PCGF3: variants seen among roughly 807,000 people sequenced by gnomAD.
PCGF3 encodes polycomb group RING finger protein 3.
In PCGF3, 7 loss-of-function variants were observed where a neutral mutation model predicts 33.1. The ratio of observed to expected loss-of-function variants is 0.21; its 90% CI spans 0.12 to 0.40. The LOEUF (loss-of-function observed/expected upper bound fraction) is 0.40. PCGF3 is among the 10% of genes least tolerant of loss of function. PCGF3 has a pLI of 1.00. For synonymous variants in PCGF3, 153 were observed against 121.3 expected, an observed-to-expected ratio of 1.26 and a Z score of -1.72; for missense variants, 211 against 313.3, an observed-to-expected ratio of 0.67 and a Z score of 2.46.
intron 1 of PCGF3, among the ~76,000 whole-genome samples, chr4:722,043 C>T (rs1006923181): frequency 6.6e-6 from 1 of 152,086 alleles, no homozygotes; most frequent in Non-Finnish European, 1.5e-5. Flanking sequence ...GAAACCGCAT[C>T]GGAGCACATC....
At chr4:734,461 A>T in intron 4 of PCGF3, 1 of 1,251,670 alleles carries the variant, frequency 8.0e-7, no homozygotes, top group African/African-American at 1.5e-5. Context: ...GAAATAAAAT[A>T]TTTGCCAATT....
exon 11 of PCGF3, chr4:766,074 C>G (rs1223395765): frequency 1.2e-6 from 2 of 1,613,884 alleles, no homozygotes; most frequent in Non-Finnish European, 1.7e-6. Flanking sequence ...GATGGACTTG[C>G]TGTGAATGGT....
intron 1 of PCGF3, among the ~76,000 whole-genome samples, chr4:729,099 CAAAAAAA>C (rs34927260): frequency 7.0e-4 from 28 of 40,250 alleles, no homozygotes; most frequent in South Asian, 1.4e-3. Flanking sequence ...GACTCCATCT[CAAAAAAA>C]AAAAAAAAAA....
chr4:762,995 G>A (rs936870280), intron 9 of PCGF3, among the ~76,000 whole-genome samples: 4 of 152,084 alleles, frequency 2.6e-5, no homozygotes, highest in Non-Finnish European at 5.9e-5. Context: ...TGGTGGCACA[G>A]AGCAGAGGCT....
At chr4:729,410 G>A (rs1316497394) in intron 1 of PCGF3, among the ~76,000 whole-genome samples, 1 of 139,870 alleles carries the variant, frequency 7.1e-6, no homozygotes, top group East Asian at 2.1e-4. Context: ...GCAAGATCCT[G>A]TCTCAAAAAA....
At chr4:726,712 A>G (rs1743347911) in intron 1 of PCGF3, among the ~76,000 whole-genome samples, 2 of 151,756 alleles carry the variant, frequency 1.3e-5, no homozygotes, top group Non-Finnish European at 2.9e-5. Context: ...GGTGCAATAC[A>G]AGCTGACAGT....
Position 720,751 on chromosome 4 carries a change from G to A in PCGF3, c.-189-9879G>A, listed in dbSNP as rs972256890. Among the ~76,000 whole-genome samples, 3 of 151,928 alleles carry A rather than the reference G, an allele frequency of 2.0e-5. No homozygotes were observed. Among genetic ancestry groups the A allele is most frequent in the African/African-American group, 4.8e-5 (2 of 41,356 alleles). ...ACGTGCGTGTGGACCCGGCGTGGAC[G>A]CAGCCCCGACGTGAATGGATGTGGT... On this transcript the variant is annotated intron_variant, in intron 1 of 10. Coordinates refer to ENST00000362003, the Ensembl canonical transcript of PCGF3. The surrounding 1 kb of genome is among the most constrained non-coding windows in gnomAD (Gnocchi z 5.6).
intron 1 of PCGF3, among the ~76,000 whole-genome samples, chr4:722,077 G>T (rs769217773): frequency 3.9e-5 from 6 of 152,170 alleles, no homozygotes; most frequent in Non-Finnish European, 7.4e-5. Flanking sequence ...CACACGGGGC[G>T]TGGGACGGTG....
At chr4:727,231 G>A (rs889769646) in intron 1 of PCGF3, among the ~76,000 whole-genome samples, 2 of 93,894 alleles carry the variant, frequency 2.1e-5, no homozygotes, top group African/African-American at 3.3e-5. Context: ...GTTAGCGAGC[G>A]TCTTTTTTTT....
chr4:747,659 G>C (rs1396553795), intron 8 of PCGF3, among the ~76,000 whole-genome samples: 5 of 75,938 alleles, frequency 6.6e-5, no homozygotes, highest in Non-Finnish European at 5.6e-5. Flanking sequence ...GGTGGGCGGG[G>C]CCCCGGGGTC....
At chr4:734,540 T>C in intron 4 of PCGF3, 2 of 1,176,290 alleles carry the variant, frequency 1.7e-6, no homozygotes, top group African/African-American at 3.1e-5. Context: ...TGTTAGGTTA[T>C]TTTCATTTGA....
At position 721,548 on chromosome 4, in the gene PCGF3, G is replaced by A. The variant is rs1356059984; in HGVS notation, c.-189-9082G>A. On this transcript the variant is annotated intron_variant, in intron 1 of 10. Transcript: ENST00000362003. This position sits in a 1 kb window ranked among gnomAD's most constrained non-coding sequence, Gnocchi z 4.1. ...TGCCTTAGGAGGCTGCGGGCGAGGC[G>A]AGGGCAGAGTGCACTCGCTGGGGGT... is the stretch of plus-strand genomic sequence containing the variant. 6.6e-6 allele frequency among the ~76,000 whole-genome samples: 1 copy of A among 152,050 alleles called. No homozygotes were observed. Among genetic ancestry groups the A allele is most frequent in the Non-Finnish European group, 1.5e-5 (1 of 68,004 alleles).
intron 5 of PCGF3, among the ~76,000 whole-genome samples, chr4:736,750 G>A (rs1253894618): frequency 2.6e-5 from 4 of 151,506 alleles, no homozygotes; most frequent in Non-Finnish European, 5.9e-5. Flanking sequence ...CGGGGAACCC[G>A]GGGTGTCCGC....
At chr4:718,161 C>T (rs1223211920) in intron 1 of PCGF3, among the ~76,000 whole-genome samples, 9 of 152,118 alleles carry the variant, frequency 5.9e-5, no homozygotes, top group African/African-American at 9.7e-5. Flanking sequence ...ACGTGCCGGC[C>T]GCCCACTGAC....
At chr4:748,160 A>C (rs1169593735) in intron 8 of PCGF3, among the ~76,000 whole-genome samples, 1 of 152,142 alleles carries the variant, frequency 6.6e-6, no homozygotes, top group Non-Finnish European at 1.5e-5. Context: ...ACAGAGATGC[A>C]GTAAAAGAAT....
chr4:708,524 G>A (rs893357087), intron 1 of PCGF3, among the ~76,000 whole-genome samples: 1 of 152,158 alleles, frequency 6.6e-6, no homozygotes, highest in Non-Finnish European at 1.5e-5. Context: ...CACATGAACC[G>A]CCTAGGTGAT....
At chr4:750,574 A>T (rs1365034224) in intron 8 of PCGF3, among the ~76,000 whole-genome samples, 2 of 152,146 alleles carry the variant, frequency 1.3e-5, no homozygotes, top group African/African-American at 2.4e-5. Context: ...GGTGGTGGTG[A>T]GATTGCCTCG....
At position 736,665 on chromosome 4, in the gene PCGF3, G is replaced by A. The variant is rs190754195; in HGVS notation, c.207-801G>A. On this transcript the variant is annotated intron_variant, in intron 5 of 10. Transcript: ENST00000362003. ...GGGAACCCGTGGTGTCCACAGGGACGGTGTCTCCTGAGCGCACAGGATGCA... is the reference window on the plus strand; with the variant it reads ...GGGAACCCGTGGTGTCCACAGGGACAGTGTCTCCTGAGCGCACAGGATGCA... 2.4e-3 allele frequency among the ~76,000 whole-genome samples: 221 copies of A among 92,074 alleles called. 38 individuals are homozygous for A. Among genetic ancestry groups the A allele is most frequent in the African/African-American group, 9.2e-3 (210 of 22,910 alleles). The allele number at this position is 92,074 out of a possible 152,430, so 60.4% of individuals were successfully genotyped here. A position where few individuals can be genotyped will look rare whatever the true frequency, so the allele number is the denominator to read the frequency against.
At chr4:759,908 C>T (rs542692175) in intron 8 of PCGF3, among the ~76,000 whole-genome samples, 452 of 145,446 alleles carry the variant, frequency 3.1e-3, no homozygotes, top group Non-Finnish European at 4.8e-3. Flanking sequence ...CGCGCGGCCC[C>T]TCTCCCGAGT....
Sources: allele counts gnomAD v4.1 joint callset (sites outside exome capture counted in the v4.1 genomes callset), GRCh38; gene constraint gnomAD v4.1.1; non-coding constraint Gnocchi (gnomAD v3.1); transcripts MANE v1.5; gene names NCBI Gene and HGNC (gene_info 2026-07-23, HGNC 2026-07-21).